The following SLC24A2 variants were observed in gnomAD, a reference collection of about 807,000 sequenced individuals.
The protein encoded by SLC24A2 is solute carrier family 24 member 2.
Under a neutral mutation model 62.0 loss-of-function variants are expected in SLC24A2, and 36 were observed. The observed-to-expected ratio is 0.58, with a 90% CI of 0.44 to 0.77. The LOEUF is 0.77. SLC24A2 is among the 30% of genes least tolerant of loss of function. The probability of loss-of-function intolerance (pLI) is 0.00; values close to 1 mark genes in which losing one functional copy is unlikely to be tolerated. For missense variants in SLC24A2, 846 were observed against 817.9 expected, an observed-to-expected ratio of 1.03 and a Z score of -0.42; for synonymous variants, 358 against 294.0, an observed-to-expected ratio of 1.22 and a Z score of -2.23.
the SLC24A2 span, among the ~76,000 whole-genome samples, chr9:19,872,998 T>TAAG: frequency 3.3e-5 from 5 of 152,080 alleles, no homozygotes; most frequent in Non-Finnish European, 7.4e-5. Context: ...AATGGTTAGG[T>TAAG]AAGAAGAAGA....
chr9:19,995,787 A>T, the SLC24A2 span, among the ~76,000 whole-genome samples: 4 of 152,264 alleles, frequency 2.6e-5, no homozygotes, highest in Non-Finnish European at 5.9e-5. Flanking sequence ...GCACCCCAGC[A>T]TCTAGCCCTC....
the SLC24A2 span, among the ~76,000 whole-genome samples, chr9:20,228,625 A>G: frequency 6.6e-6 from 1 of 152,136 alleles, no homozygotes; most frequent in Non-Finnish European, 1.5e-5. Flanking sequence ...CTAAGAGAGA[A>G]GAAGGGTGAA....
the SLC24A2 span, among the ~76,000 whole-genome samples, chr9:20,240,330 A>T: frequency 1.3e-5 from 2 of 152,184 alleles, no homozygotes; most frequent in African/African-American, 4.8e-5. Context: ...GACCATGAGG[A>T]TACACACAAA....
chr9:19,894,509 G>GT, the SLC24A2 span, among the ~76,000 whole-genome samples: 704 of 151,118 alleles, frequency 4.7e-3, 8 homozygotes, highest in African/African-American at 0.015. Flanking sequence ...GGCCAATTTT[G>GT]TTTTTTTTTA....
At chr9:19,618,490 C>A (rs1185175012) in intron 4 of SLC24A2, among the ~76,000 whole-genome samples, 5 of 152,200 alleles carry the variant, frequency 3.3e-5, no homozygotes, top group Non-Finnish European at 7.3e-5. Context: ...GCCCCATGCT[C>A]TGCAAGGAGA....
chr9:20,097,882 A>G, the SLC24A2 span, among the ~76,000 whole-genome samples: 4 of 151,274 alleles, frequency 2.6e-5, no homozygotes, highest in African/African-American at 9.7e-5. Flanking sequence ...AGCTGGGACT[A>G]CAGGCGCTCG....
chr9:19,672,115 T>G lies in SLC24A2; in HGVS notation c.931-49816A>C, dbSNP rs542003861. Among the ~76,000 whole-genome samples, 4 of 146,802 alleles carry G rather than the reference T, an allele frequency of 2.7e-5. 1 individual carries two copies. Among genetic ancestry groups the G allele is most frequent in the Admixed American group, 2.7e-4 (4 of 14,998 alleles). On this transcript the variant is annotated intron_variant, in intron 2 of 10. Coordinates refer to ENST00000341998, the MANE Select transcript of SLC24A2 (RefSeq NM_020344.4). ...CCTCTTTCTCTATCTTGTGGAATAG[T>G]GTCAATAGGATTGGTACCAGTTCTT...
the SLC24A2 span, among the ~76,000 whole-genome samples, chr9:20,189,242 C>T: frequency 6.6e-6 from 1 of 151,966 alleles, no homozygotes; most frequent in African/African-American, 2.4e-5. Flanking sequence ...GAATGCTCTC[C>T]CAAAGGCATT....
the SLC24A2 span, among the ~76,000 whole-genome samples, chr9:20,012,162 T>C: frequency 9.1e-4 from 139 of 152,314 alleles, no homozygotes; most frequent in Non-Finnish European, 1.5e-3. Context: ...TAGTCCATTT[T>C]CATGCTGCTG....
chr9:19,662,996 G>T (rs1042974188), intron 2 of SLC24A2, among the ~76,000 whole-genome samples: 1 of 152,170 alleles, frequency 6.6e-6, no homozygotes, highest in African/African-American at 2.4e-5. Context: ...TAAACAAAAC[G>T]TCAGTTGATC....
At chr9:19,888,148 C>T in the SLC24A2 span, among the ~76,000 whole-genome samples, 1 of 152,290 alleles carries the variant, frequency 6.6e-6, no homozygotes, top group East Asian at 1.9e-4. Flanking sequence ...TAAAAAGTAT[C>T]CTTTCCAACC....
At chr9:20,250,886 T>C in the SLC24A2 span, among the ~76,000 whole-genome samples, 1 of 152,322 alleles carries the variant, frequency 6.6e-6, no homozygotes, top group South Asian at 2.1e-4. Flanking sequence ...CTTCCCATTC[T>C]CTGAATTCTG....
chr9:19,932,593 A>C, the SLC24A2 span, among the ~76,000 whole-genome samples: 38,448 of 152,148 alleles, frequency 0.25, 5,554 homozygotes, highest in South Asian at 0.39. Context: ...GGTTATGAGA[A>C]TTTACCTAAG....
the SLC24A2 span, among the ~76,000 whole-genome samples, chr9:20,097,375 G>C: frequency 1.5e-4 from 23 of 152,222 alleles, no homozygotes; most frequent in Non-Finnish European, 3.1e-4. Flanking sequence ...CCAGACAGTG[G>C]CATTGAGTTA....
At chr9:19,633,785 ATTGT>A (rs571378308) in intron 2 of SLC24A2, among the ~76,000 whole-genome samples, 109 of 152,068 alleles carry the variant, frequency 7.2e-4, no homozygotes, top group African/African-American at 2.6e-3. Context: ...TTCTAATTGG[ATTGT>A]TTGTTTCCTT....
the SLC24A2 span, among the ~76,000 whole-genome samples, chr9:19,985,509 A>G: frequency 6.6e-6 from 1 of 152,220 alleles, no homozygotes; most frequent in Non-Finnish European, 1.5e-5. Flanking sequence ...TTTCATTTAT[A>G]TGAAATTCTA....
chr9:20,243,329 A>T, the SLC24A2 span, among the ~76,000 whole-genome samples: 1 of 152,192 alleles, frequency 6.6e-6, no homozygotes, highest in Non-Finnish European at 1.5e-5. Flanking sequence ...ACATAAGCAG[A>T]ATGCTGACAT....
In SLC24A2 at chr9:19,550,166, A is replaced by G. The variant is rs748269753; in HGVS notation, c.1450T>C (p.Trp484Arg). ...LIVFPIVFPL[W>R]ITLPDVRKPS... ...TTGCGAACGTCAGGTAACGTAATCC[A>G]GAGAGGAAACACTATGGGGAAAACA... Residue 484 changes from tryptophan (W) to arginine (R), a missense_variant, in exon 8 of 11, where the codon TGG (tryptophan) becomes CGG (arginine). Coordinates refer to ENST00000341998, the MANE Select transcript of SLC24A2 (RefSeq NM_020344.4). 2.0e-5 allele frequency: 32 copies of G among 1,614,064 alleles called. No individual in the cohort carries two copies. In the South Asian group the frequency reaches 3.2e-4, roughly 16 times the overall value.
chr9:20,031,572 T>A, the SLC24A2 span, among the ~76,000 whole-genome samples: 2 of 152,096 alleles, frequency 1.3e-5, no homozygotes, highest in Admixed American at 6.5e-5. Context: ...TGTACTTTTT[T>A]AAAAAAATCA....
Sources: gnomAD v4.1 joint callset for allele counts (sites outside exome capture counted in the v4.1 genomes callset) on GRCh38, gnomAD v4.1.1 for gene constraint, MANE v1.5 for transcripts, NCBI Gene and HGNC (gene_info 2026-07-23, HGNC 2026-07-21) for gene names.